KIAA1217: variants seen among roughly 807,000 people sequenced by gnomAD.
KIAA1217 encodes sickle tail protein homolog.
In KIAA1217, 88 loss-of-function variants were observed where a neutral mutation model predicts 163.9. That is an observed-to-expected ratio of 0.54 (90% CI 0.45 to 0.64). KIAA1217 has a LOEUF of 0.64. Among genes scored for constraint, KIAA1217 ranks in the 30% least tolerant of loss-of-function variants. The pLI, the probability that KIAA1217 is intolerant of heterozygous loss-of-function variation, is 0.00. For synonymous variants in KIAA1217, 903 were observed against 923.1 expected (o/e 0.98, Z 0.39); for missense variants, 2,372 against 2,475.0 (o/e 0.96, Z 0.88).
intron 2 of KIAA1217, among the ~76,000 whole-genome samples, chr10:24,105,925 G>A (rs535271965): frequency 3.2e-4 from 49 of 152,294 alleles, no homozygotes; most frequent in African/African-American, 1.1e-3. Flanking sequence ...GGCCTTGATC[G>A]AGGCAGGGAA....
chr10:24,122,104 C>T (rs892810126), intron 2 of KIAA1217, among the ~76,000 whole-genome samples: 2 of 152,126 alleles, frequency 1.3e-5, no homozygotes, highest in African/African-American at 4.8e-5. Context: ...TTGATCCCAT[C>T]ACCCAGGTGT....
chr10:24,073,073 A>G (rs1415874134), intron 2 of KIAA1217, among the ~76,000 whole-genome samples: 5 of 151,510 alleles, frequency 3.3e-5, no homozygotes, highest in African/African-American at 1.2e-4. Context: ...AAAAAAAAAA[A>G]GAAAGAAAGA....
At chr10:24,014,201 C>A (rs944465891) in intron 2 of KIAA1217, among the ~76,000 whole-genome samples, 6 of 152,068 alleles carry the variant, frequency 3.9e-5, no homozygotes, top group Admixed American at 1.3e-4. Flanking sequence ...TAAATAGTAT[C>A]TGTAGAAATG....
At chr10:24,495,056 T>C (rs1365265534) in intron 7 of KIAA1217, 91 bp from the exon 8 acceptor site, 13 of 1,070,002 alleles carry the variant, frequency 1.2e-5, no homozygotes, top group Admixed American at 2.2e-5. Flanking sequence ...TCACTGCCAA[T>C]TGCTTCAAAT....
intron 2 of KIAA1217, among the ~76,000 whole-genome samples, chr10:24,197,418 T>A (rs2067040568): frequency 1.3e-5 from 2 of 152,234 alleles, no homozygotes; most frequent in South Asian, 4.1e-4. Flanking sequence ...TTGCTGACAT[T>A]GAAAGAATGT....
chr10:23,878,923 T>A (rs1047514898), intron 1 of KIAA1217, among the ~76,000 whole-genome samples: 3 of 151,916 alleles, frequency 2.0e-5, no homozygotes, highest in Non-Finnish European at 4.4e-5. Context: ...GATGGAGTTG[T>A]CATTTATTGG....
intron 6 of KIAA1217, among the ~76,000 whole-genome samples, chr10:24,476,841 A>G (rs75537193): frequency 5.6e-4 from 85 of 151,948 alleles, no homozygotes; most frequent in South Asian, 8.3e-4. Flanking sequence ...CACACATACC[A>G]CATGGACACA....
intron 1 of KIAA1217, among the ~76,000 whole-genome samples, chr10:23,797,598 G>T (rs1438401360): frequency 6.6e-6 from 1 of 152,102 alleles, no homozygotes; most frequent in Non-Finnish European, 1.5e-5. Flanking sequence ...TACAATCATG[G>T]CGGAAGGTGA....
intron 17 of KIAA1217, 61 bp downstream of exon 17, chr10:24,536,954 C>A: frequency 6.3e-7 from 1 of 1,593,086 alleles, no homozygotes; most frequent in Middle Eastern, 1.9e-4. Flanking sequence ...TGCTCTGACA[C>A]TAACACGGCT....
At chr10:24,496,818 C>T (rs1047267757) in intron 8 of KIAA1217, among the ~76,000 whole-genome samples, 1 of 152,168 alleles carries the variant, frequency 6.6e-6, no homozygotes, top group South Asian at 2.1e-4. Flanking sequence ...GTTCTAAAAA[C>T]TCTTGTCAAT....
intron 1 of KIAA1217, among the ~76,000 whole-genome samples, chr10:23,929,636 C>T (rs188280562): frequency 4.2e-4 from 64 of 152,268 alleles, no homozygotes; most frequent in Non-Finnish European, 5.6e-4. Context: ...CTGCAAAGGA[C>T]GTGATTTCAT....
intron 2 of KIAA1217, among the ~76,000 whole-genome samples, chr10:24,293,034 T>C (rs1459225968): frequency 6.6e-6 from 1 of 151,958 alleles, no homozygotes; most frequent in African/African-American, 2.4e-5. Flanking sequence ...GGGAAGTTGT[T>C]TTTTGTTTTT....
chr10:24,323,788 CGTGTGTGTGTGTGTGTGTGTGTGTGT>C (rs60528535), intron 2 of KIAA1217, among the ~76,000 whole-genome samples: 1 of 144,184 alleles, frequency 6.9e-6, no homozygotes, highest in African/African-American at 2.6e-5. Context: ...GTTTTCTCTT[CGTGTGTGTGTGTGTGTGTGTGTGTGT>C]GTGTGTGTGT....
At chr10:24,094,966 C>T (rs7101345) in intron 2 of KIAA1217, among the ~76,000 whole-genome samples, 3,987 of 152,300 alleles carry the variant, frequency 0.026, 163 homozygotes, top group African/African-American at 0.091. Context: ...GCCTGGCTGC[C>T]GCCTTGCAGT....
chr10:23,915,785 G>A (rs1008048181), intron 1 of KIAA1217, among the ~76,000 whole-genome samples: 5 of 152,154 alleles, frequency 3.3e-5, no homozygotes, highest in African/African-American at 1.2e-4. Context: ...CCAGACCCAG[G>A]AGGAAAGTTT....
chr10:24,524,521 C>A lies in KIAA1217; in HGVS notation c.2655C>A (p.Arg885=). 1.9e-6 allele frequency: 3 copies of A among 1,614,130 alleles called. No individual in the cohort carries two copies. The highest frequency in any genetic ancestry group is 2.5e-6 in the Non-Finnish European group (3 of 1,180,036). Residue 885 remains arginine (R), a synonymous_variant, in exon 13 of 21, where the codon CGC becomes CGA. Transcript: ENST00000376454. ...EVVPLSGMMV[R]HAQSSPVVIQ... is the part of the protein sequence containing the mutation. ...TGCCTTTGTCCGGCATGATGGTTCG[C>A]CACGCGCAGAGCTCCCCTGTGGTCA...
intron 1 of KIAA1217, among the ~76,000 whole-genome samples, chr10:23,708,081 C>T (rs1837004723): frequency 6.6e-6 from 1 of 152,132 alleles, no homozygotes; most frequent in Non-Finnish European, 1.5e-5. Flanking sequence ...GGAGGCCTCA[C>T]AATCATGGCA....
intron 1 of KIAA1217, among the ~76,000 whole-genome samples, chr10:23,819,295 G>A (rs1239772415): frequency 1.3e-5 from 2 of 152,160 alleles, no homozygotes; most frequent in African/African-American, 4.8e-5. Context: ...AAGCAGAACT[G>A]TTGTTTGGGT....
chr10:24,072,292 G>A lies in KIAA1217; in HGVS notation c.-171+64918G>A, dbSNP rs995261801. Reference sequence around the variant, plus strand: ...ATGCTCCCACCTCAGCCTCCTAAAAGTGCTAGAGTTATAAGCATGAACCAC... The same window carrying A: ...ATGCTCCCACCTCAGCCTCCTAAAAATGCTAGAGTTATAAGCATGAACCAC... On this transcript the variant is annotated intron_variant, in intron 2 of 18. Transcript: ENST00000376462. 5.9e-5 allele frequency among the ~76,000 whole-genome samples: 9 copies of A among 152,076 alleles called. No homozygotes were observed. The South Asian group carries it at 6.2e-4, about 11-fold the overall frequency.
Sources: allele counts gnomAD v4.1 joint callset (sites outside exome capture counted in the v4.1 genomes callset), GRCh38; gene constraint gnomAD v4.1.1; transcripts MANE v1.5; gene names NCBI Gene and HGNC (gene_info 2026-07-23, HGNC 2026-07-21).